The following PTK2 variants were observed in gnomAD, a reference collection of about 807,000 sequenced individuals.
The protein encoded by PTK2 is focal adhesion kinase 1.
A neutral mutation model predicts 150.1 loss-of-function variants in PTK2; 45 were observed. The ratio of observed to expected loss-of-function variants is 0.30; its 90% CI spans 0.24 to 0.38. The LOEUF is 0.38. PTK2 is among the 10% of genes least tolerant of loss of function. The pLI is 1.00. For missense variants in PTK2, 919 were observed against 1,307.3 expected, an observed-to-expected ratio of 0.70 and a Z score of 4.58; for synonymous variants, 432 against 449.2, an observed-to-expected ratio of 0.96 and a Z score of 0.48.
Position 140,916,085 on chromosome 8 carries a change from T to C in PTK2, c.-33+9576A>G, listed in dbSNP as rs1307010747. On this transcript the variant is annotated intron_variant, in intron 2 of 31. Coordinates refer to ENST00000522684, the Ensembl canonical transcript of PTK2. ...CCACTGCCTTATGTTTGTGGATGAG[T>C]TGATGTTACTAATATTCAAAAATAG... is the stretch of plus-strand genomic sequence containing the variant. Among the ~76,000 whole-genome samples the C allele has an allele frequency of 2.6e-5, 4 of 152,124 alleles. 1 individual carries two copies. Among genetic ancestry groups the C allele is most frequent in the African/African-American group, 9.7e-5 (4 of 41,418 alleles).
chr8:141,001,256 G>T, upstream of PTK2: 1 of 147,822 alleles, frequency 6.8e-6, no homozygotes, highest in South Asian at 1.9e-4. Context: ...CGGCGGCGGC[G>T]GCGCGGGCTC....
chr8:140,968,393 A>T (rs1230733667), intron 1 of PTK2, among the ~76,000 whole-genome samples: 1 of 152,184 alleles, frequency 6.6e-6, no homozygotes, highest in Non-Finnish European at 1.5e-5. Context: ...CAAAAAAAAA[A>T]TCGTTTTTAA....
intron 27 of PTK2, among the ~76,000 whole-genome samples, chr8:140,681,731 C>A (rs1178128205): frequency 1.3e-5 from 2 of 152,110 alleles, no homozygotes; most frequent in African/African-American, 4.8e-5. Context: ...GAGCCGAGAT[C>A]GCGCCACTGC....
chr8:140,702,532 A>G (rs780869494), intron 25 of PTK2, 38 bp downstream of exon 28: 17 of 1,607,462 alleles, frequency 1.1e-5, no homozygotes, highest in South Asian at 5.6e-5. Flanking sequence ...GCCATGCTTT[A>G]TAAGTTAACA....
chr8:140,812,100 T>C (rs139411697), intron 10 of PTK2, among the ~76,000 whole-genome samples: 1 of 152,008 alleles, frequency 6.6e-6, no homozygotes, highest in Non-Finnish European at 1.5e-5. Context: ...CCAAGACACA[T>C]CATCATGAAA....
At chr8:140,780,812 C>T (rs904762178) in intron 14 of PTK2, among the ~76,000 whole-genome samples, 23 of 152,048 alleles carry the variant, frequency 1.5e-4, no homozygotes, top group East Asian at 9.6e-4. Context: ...TTAGAATAAC[C>T]AATAGGGATT....
intron 1 of PTK2, among the ~76,000 whole-genome samples, chr8:140,989,683 C>G (rs987406636): frequency 4.6e-5 from 7 of 151,836 alleles, no homozygotes; most frequent in African/African-American, 1.7e-4. Context: ...CCGAGGCGGG[C>G]GGATCACCTA....
rs575164937 is a variant in PTK2 at position 140,810,540 on chromosome 8, T to C, written c.868-6890A>G. Reference sequence around the variant, plus strand: ...GAGAGCTCCCACGGGGCAGCCTCCATTGCCACACACCAGCCCACCCGCTCC... The same window carrying C: ...GAGAGCTCCCACGGGGCAGCCTCCACTGCCACACACCAGCCCACCCGCTCC... On this transcript the variant is annotated intron_variant, in intron 10 of 31. Transcript: ENST00000522684. Among the ~76,000 whole-genome samples, 12 of 152,300 alleles carry C rather than the reference T, an allele frequency of 7.9e-5. No individual in the cohort carries two copies. The East Asian group carries it at 2.3e-3, about 29-fold the overall frequency.
intron 4 of PTK2, among the ~76,000 whole-genome samples, chr8:140,869,822 T>C (rs1430526478): frequency 6.6e-6 from 1 of 152,008 alleles, no homozygotes; most frequent in East Asian, 1.9e-4. Context: ...TGAACTTATA[T>C]GTACTTAACA....
chr8:140,935,730 C>A (rs150448255), intron 1 of PTK2, among the ~76,000 whole-genome samples: 2 of 99,328 alleles, frequency 2.0e-5, no homozygotes, highest in African/African-American at 7.4e-5. Context: ...GACAGAGTCT[C>A]GCTCTTTGCC....
intron 22 of PTK2, 39 bp from the exon 26 acceptor site, chr8:140,717,748 C>T: frequency 6.5e-7 from 1 of 1,542,466 alleles, no homozygotes; most frequent in East Asian, 2.2e-5. Context: ...AGCTGACAAC[C>T]CAGAGTTAGC....
intron 12 of PTK2, among the ~76,000 whole-genome samples, chr8:140,794,425 G>A (rs893391583): frequency 3.3e-5 from 5 of 152,132 alleles, no homozygotes; most frequent in Admixed American, 1.3e-4. Context: ...AACACCACTC[G>A]TGTAGTCACA....
chr8:140,670,495 ACACACACACACAC>A lies in PTK2; in HGVS notation c.2710-2084_2710-2072del, dbSNP rs1563988088. On this transcript the variant is annotated intron_variant, in intron 29 of 31. Coordinates refer to ENST00000522684, the Ensembl canonical transcript of PTK2. ...AAAAAAAAAAAAAACAACAACACACACACACACACACACACACACACACACACACACACACACA... is the reference window on the plus strand; with the variant it reads ...AAAAAAAAAAAAAACAACAACACACAACACACACACACACACACACACACA... Among the ~76,000 whole-genome samples the A allele has an allele frequency of 7.9e-4, 35 of 44,270 alleles. 3 individuals are homozygous for A. The highest frequency in any genetic ancestry group is 3.1e-3 in the African/African-American group (34 of 10,934). 29.0% of individuals were successfully genotyped at this position (44,270 alleles called of 152,430 possible).
chr8:140,818,139 C>T, intron 10 of PTK2, 138 bp downstream of exon 10: 1 of 730,172 alleles, frequency 1.4e-6, no homozygotes, highest in Non-Finnish European at 2.3e-6. Context: ...TACTTGTCCC[C>T]CACTCCACTG....
At chr8:140,759,798 G>A (rs78613108) in intron 16 of PTK2, among the ~76,000 whole-genome samples, 1 of 152,078 alleles carries the variant, frequency 6.6e-6, no homozygotes, top group African/African-American at 2.4e-5. Context: ...AGCCATGATT[G>A]CGTCACTGCA....
intron 1 of PTK2, among the ~76,000 whole-genome samples, chr8:140,933,821 T>C (rs574021980): frequency 6.6e-6 from 1 of 152,254 alleles, no homozygotes; most frequent in African/African-American, 2.4e-5. Flanking sequence ...GTGGTGATTG[T>C]ACTCATTGTA....
At chr8:140,845,282 G>A (rs145920777) in intron 7 of PTK2, among the ~76,000 whole-genome samples, 175 of 152,158 alleles carry the variant, frequency 1.2e-3, no homozygotes, top group Middle Eastern at 6.8e-3. Context: ...TACTAGATAG[G>A]TAATGACCTG....
chr8:140,942,415 TTATAATATACAATCTCATTA>T, intron 1 of PTK2, among the ~76,000 whole-genome samples: 2 of 152,348 alleles, frequency 1.3e-5, no homozygotes, highest in Admixed American at 1.3e-4. Context: ...TATATGACCT[TTATAATATACAATCTCATTA>T]TACAAAGACA....
At chr8:140,869,737 T>C (rs576266000) in intron 4 of PTK2, among the ~76,000 whole-genome samples, 2 of 152,118 alleles carry the variant, frequency 1.3e-5, no homozygotes, top group African/African-American at 4.8e-5. Flanking sequence ...ATGTTGCTGA[T>C]AGGAAACACA....
Sources: allele counts gnomAD v4.1 joint callset (sites outside exome capture counted in the v4.1 genomes callset), GRCh38; gene constraint gnomAD v4.1.1; transcripts MANE v1.5; gene names NCBI Gene and HGNC (gene_info 2026-07-23, HGNC 2026-07-21).